Variants in DSCAM observed in about 807,000 individuals in gnomAD.
DSCAM encodes DS cell adhesion molecule, also known as cell adhesion molecule DSCAM.
In DSCAM, 47 loss-of-function variants were observed where a neutral mutation model predicts 217.7. The ratio of observed to expected loss-of-function variants is 0.22; its 90% CI spans 0.17 to 0.28. The LOEUF (loss-of-function observed/expected upper bound fraction) is 0.28, where lower values mean the gene tolerates loss of function less well. Ranked by LOEUF, DSCAM falls within the 10% of genes least tolerant of loss-of-function variation. The probability of loss-of-function intolerance (pLI) is 1.00; values close to 1 mark genes in which losing one functional copy is unlikely to be tolerated. For missense variants in DSCAM, 2,080 were observed against 2,618.3 expected, an observed-to-expected ratio of 0.79 and a Z score of 4.49; for synonymous variants, 1,056 against 1,015.3, an observed-to-expected ratio of 1.04 and a Z score of -0.76.
In DSCAM at chr21:40,189,055, A is replaced by G; in HGVS notation, c.2540T>C (p.Ile847Thr). The G allele has an allele frequency of 6.2e-7, 1 of 1,614,146 alleles. No homozygotes were observed. Among genetic ancestry groups the G allele is most frequent in the African/African-American group, 1.3e-5 (1 of 75,028 alleles). ...CCATGCTTTTACCTGCAGAGTAGAA[A>G]TCACCTCTTCTCCCACCTCCTTGGT... ...VSTKEVGEEV[I>T]STLQILPTVR... Residue 847 changes from isoleucine (I) to threonine (T), a missense_variant, in exon 12 of 33, where the codon ATT becomes ACT. Around this residue, in one of 5 missense-constraint regions of DSCAM, gnomAD observed 1,144 missense variants for 1,421.1 expected, o/e 0.81. Coordinates refer to ENST00000400454, the MANE Select transcript of DSCAM (RefSeq NM_001389.5).
intron 11 of DSCAM, among the ~76,000 whole-genome samples, chr21:40,242,296 C>G (rs988764067): frequency 2.6e-5 from 4 of 152,212 alleles, no homozygotes. Context: ...CTGTCTGTCA[C>G]ATGTTTCCGC....
intron 20 of DSCAM, among the ~76,000 whole-genome samples, chr21:40,097,170 G>T (rs1164808765): frequency 6.6e-6 from 1 of 151,956 alleles, no homozygotes; most frequent in Non-Finnish European, 1.5e-5. Flanking sequence ...TTAAAATATG[G>T]TTGATAGTTA....
intron 3 of DSCAM, among the ~76,000 whole-genome samples, chr21:40,436,016 C>T (rs1043459301): frequency 5.3e-5 from 8 of 152,100 alleles, no homozygotes; most frequent in African/African-American, 1.9e-4. Flanking sequence ...TGATTTTGCC[C>T]AACTGTAGGC....
chr21:40,125,694 G>T (rs1308702242), intron 19 of DSCAM, among the ~76,000 whole-genome samples: 2 of 152,152 alleles, frequency 1.3e-5, no homozygotes, highest in Non-Finnish European at 2.9e-5. Context: ...ACAGTGGAAG[G>T]TCTAGAAAAG....
chr21:40,828,851 T>C (rs1481764513), intron 1 of DSCAM, among the ~76,000 whole-genome samples: 1 of 152,102 alleles, frequency 6.6e-6, no homozygotes, highest in Non-Finnish European at 1.5e-5. Flanking sequence ...ATAGATGGGG[T>C]TTCACCATGT....
intron 11 of DSCAM, among the ~76,000 whole-genome samples, chr21:40,255,255 G>A (rs77115846): frequency 0.024 from 3,723 of 152,118 alleles, 265 homozygotes; most frequent in East Asian, 0.22. Flanking sequence ...CTCCCGCTCC[G>A]TTTTTGTGGT....
At chr21:40,287,084 GTCATCCACGGTA>G (rs1166115282) in intron 10 of DSCAM, among the ~76,000 whole-genome samples, 3 of 151,006 alleles carry the variant, frequency 2.0e-5, no homozygotes, top group Non-Finnish European at 4.4e-5. Context: ...GATCTGCAAT[GTCATCCACGGTA>G]TGATCCACAG....
At chr21:40,799,464 A>T (rs1398232627) in intron 1 of DSCAM, among the ~76,000 whole-genome samples, 1 of 152,192 alleles carries the variant, frequency 6.6e-6, no homozygotes, top group Admixed American at 6.5e-5. Context: ...AATTACCCCA[A>T]GTTTGGTGGC....
chr21:40,823,632 T>C (rs2123606299), intron 1 of DSCAM, among the ~76,000 whole-genome samples: 1 of 152,308 alleles, frequency 6.6e-6, no homozygotes, highest in Non-Finnish European at 1.5e-5. Flanking sequence ...ATCCCAATGA[T>C]TTGTAAAATA....
chr21:40,532,894 GTGTGTGTGTGTGTGTGCA>G (rs1288147751), intron 3 of DSCAM, among the ~76,000 whole-genome samples: 101 of 151,558 alleles, frequency 6.7e-4, no homozygotes, highest in African/African-American at 2.2e-3. Context: ...GTGTGTGTGT[GTGTGTGTGTGTGTGTGCA>G]CACGCACGCG....
chr21:40,057,873 C>CTTTTTTT lies in DSCAM; in HGVS notation c.4920-2040_4920-2034dup, dbSNP rs71186913. On this transcript the variant is annotated intron_variant, in intron 28 of 32. Coordinates refer to ENST00000400454, the MANE Select transcript of DSCAM (RefSeq NM_001389.5). ...TGATGCAATCACAGTTCACTGCAGT[C>CTTTTTTT]TTTTTTTTTTTTTTTTTTTTGAGAT... Among the ~76,000 whole-genome samples, 155 of 107,196 alleles carry CTTTTTTT rather than the reference C, an allele frequency of 1.4e-3. 5 individuals carry two copies. Among genetic ancestry groups the CTTTTTTT allele is most frequent in the African/African-American group, 3.9e-3 (103 of 26,244 alleles). 70.3% of individuals were successfully genotyped at this position (107,196 alleles called of 152,430 possible).
intron 3 of DSCAM, among the ~76,000 whole-genome samples, chr21:40,614,080 C>G (rs1336115604): frequency 6.6e-6 from 1 of 152,146 alleles, no homozygotes; most frequent in African/African-American, 2.4e-5. Context: ...GTCAACCAGT[C>G]CCACCCCAGT....
chr21:40,370,789 T>A (rs374573436), intron 3 of DSCAM, among the ~76,000 whole-genome samples: 34 of 152,008 alleles, frequency 2.2e-4, no homozygotes, highest in African/African-American at 7.5e-4. Flanking sequence ...CCTGGCTAAT[T>A]TTTGTATTTT....
chr21:40,699,462 A>C (rs2090631797), intron 2 of DSCAM, among the ~76,000 whole-genome samples: 1 of 152,262 alleles, frequency 6.6e-6, no homozygotes. Flanking sequence ...TGATGAAGGC[A>C]TATCAAAAGC....
intron 21 of DSCAM, among the ~76,000 whole-genome samples, chr21:40,088,170 AG>A (rs1216163326): frequency 6.6e-6 from 1 of 152,104 alleles, no homozygotes; most frequent in African/African-American, 2.4e-5. Flanking sequence ...ACTGTCATGG[AG>A]CTGGGGACAT....
At chr21:40,536,598 G>A (rs1271772054) in intron 3 of DSCAM, among the ~76,000 whole-genome samples, 2 of 152,036 alleles carry the variant, frequency 1.3e-5, no homozygotes, top group Non-Finnish European at 2.9e-5. Context: ...AGTAGAGACA[G>A]GGTTTCACCA....
At chr21:40,830,908 A>T (rs188945464) in intron 1 of DSCAM, among the ~76,000 whole-genome samples, 1 of 152,344 alleles carries the variant, frequency 6.6e-6, no homozygotes, top group Non-Finnish European at 1.5e-5. Flanking sequence ...AATATCTTTA[A>T]ATTTCTCTGT....
intron 26 of DSCAM, among the ~76,000 whole-genome samples, chr21:40,077,417 C>A (rs400265): frequency 0.83 from 125,673 of 152,090 alleles, 52,423 homozygotes; most frequent in East Asian, 0.95. Flanking sequence ...GAAATTGGTC[C>A]GATGAAAATC....
intron 3 of DSCAM, among the ~76,000 whole-genome samples, chr21:40,676,526 G>A (rs544877969): frequency 1.1e-4 from 17 of 152,206 alleles, no homozygotes; most frequent in Admixed American, 3.3e-4. Context: ...TTCGATTGCC[G>A]TATTGTTCTT....
Sources: allele counts gnomAD v4.1 joint callset (sites outside exome capture counted in the v4.1 genomes callset), GRCh38; gene constraint gnomAD v4.1.1; regional missense constraint gnomAD v4.1.1; transcripts MANE v1.5; gene names NCBI Gene and HGNC (gene_info 2026-07-23, HGNC 2026-07-21).